GNAQ: variants seen among roughly 807,000 people sequenced by gnomAD.
The protein encoded by GNAQ is G protein subunit alpha q.
In GNAQ, 8 loss-of-function variants were observed where a neutral mutation model predicts 43.9. The ratio of observed to expected loss-of-function variants is 0.18; its 90% CI spans 0.11 to 0.33. The LOEUF (loss-of-function observed/expected upper bound fraction) is 0.33. Among genes scored for constraint, GNAQ ranks in the 10% least tolerant of loss-of-function variants. The pLI, the probability that GNAQ is intolerant of heterozygous loss-of-function variation, is 1.00. For missense variants in GNAQ, 158 were observed against 450.8 expected, an observed-to-expected ratio of 0.35 and a Z score of 5.88; for synonymous variants, 155 against 170.7, an observed-to-expected ratio of 0.91 and a Z score of 0.71.
At chr9:77,967,120 T>G (rs568715126) in intron 1 of GNAQ, among the ~76,000 whole-genome samples, 1 of 152,318 alleles carries the variant, frequency 6.6e-6, no homozygotes, top group African/African-American at 2.4e-5. Context: ...ATCTAACGTG[T>G]AGGTGAACTA....
At chr9:77,993,909 TA>T (rs571396878) in intron 1 of GNAQ, among the ~76,000 whole-genome samples, 174 of 152,300 alleles carry the variant, frequency 1.1e-3, no homozygotes, top group African/African-American at 4.1e-3. Flanking sequence ...TAGTCAGGTA[TA>T]AAAAAATCTA....
At chr9:77,986,562 G>A (rs1037559689) in intron 1 of GNAQ, among the ~76,000 whole-genome samples, 13 of 152,152 alleles carry the variant, frequency 8.5e-5, no homozygotes, top group African/African-American at 3.1e-4. Flanking sequence ...CTAGAGTGCA[G>A]TGGCATGATA....
chr9:77,919,720 A>G (rs1050027902), intron 2 of GNAQ, among the ~76,000 whole-genome samples: 12 of 152,226 alleles, frequency 7.9e-5, no homozygotes, highest in Non-Finnish European at 1.8e-4. Context: ...TCATCACACT[A>G]AAGTCATGAT....
chr9:77,961,609 A>G (rs1473188330), intron 1 of GNAQ, among the ~76,000 whole-genome samples: 2 of 152,220 alleles, frequency 1.3e-5, no homozygotes, highest in South Asian at 2.1e-4. Context: ...AAGGGTATCA[A>G]CGTAATAGTG....
chr9:77,863,768 C>T (rs987882161), intron 2 of GNAQ, among the ~76,000 whole-genome samples: 4 of 152,104 alleles, frequency 2.6e-5, no homozygotes, highest in Admixed American at 2.6e-4. Flanking sequence ...AGGAGCAAGT[C>T]ATGTCTTACA....
chr9:77,860,992 G>C (rs558235910), intron 2 of GNAQ, among the ~76,000 whole-genome samples: 68 of 152,324 alleles, frequency 4.5e-4, no homozygotes, highest in African/African-American at 1.5e-3. Flanking sequence ...GAGGCTGGAT[G>C]TATTAGTCCA....
At chr9:77,936,188 T>C (rs1829229831) in intron 1 of GNAQ, among the ~76,000 whole-genome samples, 2 of 152,352 alleles carry the variant, frequency 1.3e-5, no homozygotes, top group Non-Finnish European at 2.9e-5. Context: ...TTAATTTAAA[T>C]TGAGCCTCTC....
At chr9:77,965,882 T>C (rs187886677) in intron 1 of GNAQ, among the ~76,000 whole-genome samples, 79 of 149,852 alleles carry the variant, frequency 5.3e-4, no homozygotes, top group Middle Eastern at 3.5e-3. Context: ...AACCTATGCA[T>C]GAATGTTCAC....
At chr9:77,844,400 C>T (rs1454676311) in intron 2 of GNAQ, among the ~76,000 whole-genome samples, 1 of 152,122 alleles carries the variant, frequency 6.6e-6, no homozygotes, top group African/African-American at 2.4e-5. Context: ...ATTATATTGG[C>T]TTAAAGGATT....
rs183729956 is a variant in GNAQ, at chr9:78,021,350, G to A, written c.136+9750C>T. ...AAAGCTGATTTCTTAAGGTTTCTCT[G>A]ATCATGGTCATACCAACTGAGAATG... On this transcript the variant is annotated intron_variant, in intron 1 of 6. Transcript: ENST00000286548. 2.0e-4 allele frequency among the ~76,000 whole-genome samples: 31 copies of A among 152,144 alleles called. No homozygotes were observed. The East Asian group carries it at 5.8e-3, about 28-fold the overall frequency.
chr9:77,767,324 C>A (rs1040250412), intron 5 of GNAQ, among the ~76,000 whole-genome samples: 7 of 152,024 alleles, frequency 4.6e-5, no homozygotes, highest in African/African-American at 1.7e-4. Flanking sequence ...CCAGTAGCAC[C>A]CCCTAATTGT....
At position 77,716,430 on chromosome 9, in the gene GNAQ, C is replaced by T. The variant is rs1441277013; in HGVS notation, c.*4893G>A. The T allele has an allele frequency of 4.3e-6, 1 of 232,408 alleles. No homozygotes were observed. The highest frequency in any genetic ancestry group is 2.2e-5 in the African/African-American group (1 of 45,240). The allele number at this position is 232,408 out of a possible 1,614,324, so 14.4% of individuals were successfully genotyped here. ...GGAACAGTAAATATTCTTTTAAATA[C>T]TGCAAGTTAAAAATGTTTTCTGACA... is the stretch of plus-strand genomic sequence containing the variant. On this transcript the variant is annotated 3_prime_UTR_variant, in exon 7 of 7. Transcript: ENST00000286548.
chr9:77,843,741 A>G (rs1260642441), intron 2 of GNAQ, among the ~76,000 whole-genome samples: 4 of 152,212 alleles, frequency 2.6e-5, no homozygotes, highest in Non-Finnish European at 5.9e-5. Context: ...ACACACAAAC[A>G]TGGGGATGTA....
intron 5 of GNAQ, among the ~76,000 whole-genome samples, chr9:77,769,531 A>T (rs527364141): frequency 6.6e-6 from 1 of 152,156 alleles, no homozygotes. Context: ...CACAGGCAGG[A>T]AGAAGGTGAG....
intron 5 of GNAQ, among the ~76,000 whole-genome samples, chr9:77,731,890 T>C (rs537347620): frequency 1.1e-4 from 16 of 152,338 alleles, no homozygotes; most frequent in African/African-American, 3.8e-4. Flanking sequence ...ACTTCTTTTT[T>C]TCCCCCCAAT....
At chr9:77,890,197 T>TG (rs1409586768) in intron 2 of GNAQ, among the ~76,000 whole-genome samples, 4 of 152,198 alleles carry the variant, frequency 2.6e-5, no homozygotes, top group African/African-American at 4.8e-5. Context: ...ATCTTTGTAT[T>TG]GGTTATTTGG....
At chr9:77,861,958 T>A (rs1386935848) in intron 2 of GNAQ, among the ~76,000 whole-genome samples, 1 of 141,090 alleles carries the variant, frequency 7.1e-6, no homozygotes, top group Non-Finnish European at 1.5e-5. Flanking sequence ...TGAGCTGAGA[T>A]CGTGCCACTG....
chr9:77,841,482 T>C (rs1489255205), intron 2 of GNAQ, among the ~76,000 whole-genome samples: 1 of 152,166 alleles, frequency 6.6e-6, no homozygotes, highest in East Asian at 1.9e-4. Context: ...TCACAATAAA[T>C]TGGACAAAAT....
chr9:77,846,249 C>A (rs1827583833), intron 2 of GNAQ, among the ~76,000 whole-genome samples: 3 of 152,170 alleles, frequency 2.0e-5, no homozygotes, highest in Non-Finnish European at 4.4e-5. Context: ...AGATGTGTGG[C>A]AAGTCAGGGC....
Sources: allele counts gnomAD v4.1 joint callset (sites outside exome capture counted in the v4.1 genomes callset), GRCh38; gene constraint gnomAD v4.1.1; transcripts MANE v1.5; gene names NCBI Gene and HGNC (gene_info 2026-07-23, HGNC 2026-07-21).